PTPRG: variants seen among roughly 807,000 people sequenced by gnomAD.
PTPRG encodes the protein protein tyrosine phosphatase receptor type G.
PTPRG carries 102 observed loss-of-function variants against 165.3 expected under a neutral mutation model. That is an observed-to-expected ratio of 0.62 (90% CI 0.53 to 0.73). The LOEUF (loss-of-function observed/expected upper bound fraction) is 0.73. Among genes scored for constraint, PTPRG ranks in the 30% least tolerant of loss-of-function variants. The pLI, the probability that PTPRG is intolerant of heterozygous loss-of-function variation, is 0.00. For missense variants in PTPRG, 1,866 were observed against 1,861.4 expected (o/e 1.00, Z -0.05); for synonymous variants, 675 against 669.5 (o/e 1.01, Z -0.13).
chr3:61,881,655 A>G (rs1465095530), intron 2 of PTPRG, among the ~76,000 whole-genome samples: 2 of 152,160 alleles, frequency 1.3e-5, no homozygotes, highest in East Asian at 3.8e-4. Context: ...ATTTTAGGTA[A>G]AGAACACTTT....
intron 1 of PTPRG, among the ~76,000 whole-genome samples, chr3:61,591,889 A>T (rs1343944263): frequency 6.6e-6 from 1 of 152,146 alleles, no homozygotes; most frequent in South Asian, 2.1e-4. Context: ...TTCCCCAAGG[A>T]TCCTTAAGAA....
At chr3:62,011,660 A>G (rs2041425129) in intron 4 of PTPRG, among the ~76,000 whole-genome samples, 1 of 152,092 alleles carries the variant, frequency 6.6e-6, no homozygotes, top group Non-Finnish European at 1.5e-5. Flanking sequence ...CTGATCTTTT[A>G]TGTGTATGTC....
intron 1 of PTPRG, among the ~76,000 whole-genome samples, chr3:61,628,654 A>G (rs1701682938): frequency 6.6e-6 from 1 of 152,074 alleles, no homozygotes; most frequent in African/African-American, 2.4e-5. Flanking sequence ...CTAATGATAT[A>G]ATGTTGGTGG....
At chr3:61,742,950 G>C in intron 1 of PTPRG, 1 of 1,476,322 alleles carries the variant, frequency 6.8e-7, no homozygotes, top group Non-Finnish European at 9.5e-7. Flanking sequence ...ACTTAAGTCT[G>C]ACGGTGCCCG....
intron 1 of PTPRG, among the ~76,000 whole-genome samples, chr3:61,740,565 T>C (rs1436206638): frequency 6.6e-6 from 1 of 152,180 alleles, no homozygotes; most frequent in East Asian, 1.9e-4. Flanking sequence ...ATTCTGCCCT[T>C]TGTAACTGAC....
At chr3:62,225,405 A>C (rs1272783694) in intron 13 of PTPRG, among the ~76,000 whole-genome samples, 1 of 152,194 alleles carries the variant, frequency 6.6e-6, no homozygotes, top group Non-Finnish European at 1.5e-5. Context: ...CCCGGTGTCC[A>C]ATCAGTGTGC....
chr3:61,935,634 C>G (rs1212102397), intron 2 of PTPRG, among the ~76,000 whole-genome samples: 1 of 151,276 alleles, frequency 6.6e-6, no homozygotes, highest in Non-Finnish European at 1.5e-5. Context: ...ATATTGACCA[C>G]TGACTTTACT....
At chr3:61,738,843 C>T (rs532999447) in intron 1 of PTPRG, among the ~76,000 whole-genome samples, 10 of 152,116 alleles carry the variant, frequency 6.6e-5, no homozygotes, top group South Asian at 2.1e-4. Flanking sequence ...GGTGCCATCA[C>T]GGCTCATGGC....
rs772918195 is a variant in PTPRG at position 61,803,305 on chromosome 3, C to T, written c.190+54323C>T. Among the ~76,000 whole-genome samples the T allele has an allele frequency of 3.9e-4, 59 of 152,210 alleles. 1 individual carries two copies. The highest frequency in any genetic ancestry group is 1.3e-3 in the African/African-American group (53 of 41,540). On this transcript the variant is annotated intron_variant, in intron 2 of 29. Transcript: ENST00000474889. ...TCTGCAATAGCATCATTTCAACCTG[C>T]AATCGATAAAAAAAATTATTAGTGA...
At chr3:62,016,351 A>G (rs148948992) in intron 4 of PTPRG, among the ~76,000 whole-genome samples, 169 of 152,178 alleles carry the variant, frequency 1.1e-3, no homozygotes, top group African/African-American at 3.9e-3. Context: ...TATTTTTAGT[A>G]GAGACGGAGT....
intron 15 of PTPRG, 28 bp downstream of exon 15, chr3:62,243,926 A>G (rs754858569): frequency 2.5e-5 from 32 of 1,287,018 alleles, no homozygotes; most frequent in Middle Eastern, 1.9e-4. Context: ...CTTATTTCCA[A>G]TGGGCTAATT....
chr3:62,170,589 C>T (rs1228334670), intron 8 of PTPRG, among the ~76,000 whole-genome samples: 1 of 152,156 alleles, frequency 6.6e-6, no homozygotes. Context: ...ACTGAACGGG[C>T]CTTCTCTGAA....
chr3:62,176,989 C>T (rs989419099), intron 8 of PTPRG, among the ~76,000 whole-genome samples: 4 of 152,112 alleles, frequency 2.6e-5, no homozygotes, highest in African/African-American at 9.7e-5. Context: ...TAAGGCAGAG[C>T]CCAGTGGCTC....
chr3:61,742,590 C>A (rs2106886668), intron 1 of PTPRG: 1 of 1,597,576 alleles, frequency 6.3e-7, no homozygotes. Flanking sequence ...CGGCTGTCAT[C>A]TTCACGTGAC....
chr3:62,265,381 C>T (rs1439652436), intron 17 of PTPRG, among the ~76,000 whole-genome samples: 1 of 151,940 alleles, frequency 6.6e-6, no homozygotes, highest in African/African-American at 2.4e-5. Context: ...CCATTTGATC[C>T]TAATGTAAAT....
At chr3:62,043,671 C>G (rs971099226) in intron 4 of PTPRG, among the ~76,000 whole-genome samples, 2 of 152,132 alleles carry the variant, frequency 1.3e-5, no homozygotes, top group African/African-American at 2.4e-5. Context: ...TATAGAAGAA[C>G]AAGCTTTGGT....
chr3:61,952,118 G>GAAAAAAAAAAAAAAAAAAAA (rs35655816), intron 2 of PTPRG, among the ~76,000 whole-genome samples: 1 of 79,692 alleles, frequency 1.3e-5, no homozygotes. Context: ...CTCCACCTCA[G>GAAAAAAAAAAAAAAAAAAAA]AAAAAAAAAA....
intron 2 of PTPRG, among the ~76,000 whole-genome samples, chr3:61,913,132 G>C (rs2038843159): frequency 6.6e-6 from 1 of 152,202 alleles, no homozygotes. Flanking sequence ...CATAATGTTG[G>C]AGTTTGGGCT....
intron 1 of PTPRG, among the ~76,000 whole-genome samples, chr3:61,726,332 T>C (rs1312128176): frequency 6.6e-6 from 1 of 152,160 alleles, no homozygotes; most frequent in Non-Finnish European, 1.5e-5. Flanking sequence ...TTTTCAGCAT[T>C]GATAGAGAGA....
Sources: gnomAD v4.1 joint callset for allele counts (sites outside exome capture counted in the v4.1 genomes callset) on GRCh38, gnomAD v4.1.1 for gene constraint, MANE v1.5 for transcripts, NCBI Gene and HGNC (gene_info 2026-07-23, HGNC 2026-07-21) for gene names.